The following GRIN2B variants were observed in gnomAD, a reference collection of about 807,000 sequenced individuals.
GRIN2B encodes the protein glutamate receptor ionotropic, NMDA 2B.
A neutral mutation model predicts 114.5 loss-of-function variants in GRIN2B; 5 were observed. The ratio of observed to expected loss-of-function variants is 0.04; its 90% CI spans 0.02 to 0.09. The LOEUF (loss-of-function observed/expected upper bound fraction) is 0.09. GRIN2B is among the 10% of genes least tolerant of loss of function. GRIN2B has a pLI of 1.00. For missense variants in GRIN2B, 1,108 were observed against 1,943.5 expected (o/e 0.57, Z 8.08); for synonymous variants, 787 against 745.1 (o/e 1.06, Z -0.92).
rs1217973811 is a variant in GRIN2B at position 13,541,732 on chromosome 12, A to G, written c.*21051T>C. ...ACAGAGAGGCTGAACCAGCAGCAGC[A>G]GTAGTTGTGATCTCATTCACACCCT... On this transcript the variant is annotated 3_prime_UTR_variant, in exon 14 of 14. Transcript: ENST00000609686. 1.3e-5 allele frequency: 2 copies of G among 152,236 alleles called. No individual in the cohort carries two copies. The highest frequency in any genetic ancestry group is 2.9e-5 in the Non-Finnish European group (2 of 68,048). 9.4% of individuals were successfully genotyped at this position (152,236 alleles called of 1,614,324 possible). A position where few individuals can be genotyped will look rare whatever the true frequency, so the allele number is the denominator to read the frequency against.
At chr12:13,761,668 T>A (rs1377172921) in intron 3 of GRIN2B, among the ~76,000 whole-genome samples, 1 of 152,206 alleles carries the variant, frequency 6.6e-6, no homozygotes, top group Non-Finnish European at 1.5e-5. Context: ...TCAAACCTAC[T>A]CTCAGATGGA....
At chr12:13,592,592 G>A (rs1949022526) in intron 10 of GRIN2B, among the ~76,000 whole-genome samples, 1 of 152,170 alleles carries the variant, frequency 6.6e-6, no homozygotes, top group Non-Finnish European at 1.5e-5. Context: ...GGTGACAAAG[G>A]CCAGAAATGG....
intron 2 of GRIN2B, among the ~76,000 whole-genome samples, chr12:13,907,498 A>G (rs1000433761): frequency 2.6e-5 from 4 of 151,838 alleles, no homozygotes; most frequent in Non-Finnish European, 5.9e-5. Flanking sequence ...TCTCAGGAAA[A>G]AAAAAAAAAA....
chr12:13,690,677 G>A (rs1340490679), intron 4 of GRIN2B, among the ~76,000 whole-genome samples: 1 of 152,090 alleles, frequency 6.6e-6, no homozygotes, highest in Non-Finnish European at 1.5e-5. Flanking sequence ...CCCTTGGAGA[G>A]AGCTGACACA....
chr12:13,670,611 A>G (rs1199196615), intron 5 of GRIN2B, among the ~76,000 whole-genome samples: 6 of 152,316 alleles, frequency 3.9e-5, no homozygotes, highest in African/African-American at 1.4e-4. Flanking sequence ...TTGGAACTGC[A>G]TCTCTGTGCC....
At chr12:13,754,961 T>A (rs959014560) in intron 3 of GRIN2B, among the ~76,000 whole-genome samples, 4 of 152,138 alleles carry the variant, frequency 2.6e-5, no homozygotes, top group Non-Finnish European at 5.9e-5. Context: ...GCTAGATGAG[T>A]CCGAAAACAC....
chr12:13,656,895 G>A (rs945708390), intron 5 of GRIN2B, among the ~76,000 whole-genome samples: 1 of 152,172 alleles, frequency 6.6e-6, no homozygotes, highest in Non-Finnish European at 1.5e-5. Flanking sequence ...CCGAAGCCCA[G>A]GGACATTTTG....
In GRIN2B at chr12:13,828,166, G is replaced by A. The variant is rs530352702; in HGVS notation, c.411+37632C>T. On this transcript the variant is annotated intron_variant, in intron 3 of 13. Coordinates refer to ENST00000609686, the MANE Select transcript of GRIN2B (RefSeq NM_000834.5). The stretch of plus-strand genomic sequence containing the variant: ...CTGTTTAAAATGTGAGACCTTTTTG[G>A]CAGGAAGTAGCATTCAGGTTAGTTT... Among the ~76,000 whole-genome samples the A allele has an allele frequency of 5.9e-5, 9 of 152,210 alleles. No individual in the cohort carries two copies. In the South Asian group the frequency reaches 1.2e-3, roughly 21 times the overall value.
intron 5 of GRIN2B, among the ~76,000 whole-genome samples, chr12:13,669,637 A>G (rs1026012163): frequency 5.3e-5 from 8 of 152,108 alleles, no homozygotes; most frequent in Admixed American, 3.9e-4. Flanking sequence ...GCAGTCACCA[A>G]CACTGCACTT....
intron 3 of GRIN2B, among the ~76,000 whole-genome samples, chr12:13,857,936 C>A (rs1865691971): frequency 6.6e-6 from 1 of 152,132 alleles, no homozygotes; most frequent in Admixed American, 6.6e-5. Flanking sequence ...CCAACCATGA[C>A]AAAATGCCAG....
rs1948464325 is a variant in GRIN2B, at chr12:13,555,179, G to C, written c.*7604C>G. ...GGAAGAGCAGGAACCAATGAGGTTA[G>C]AGGACCAGAGAACTAAGATTAAAAC... On this transcript the variant is annotated 3_prime_UTR_variant, in exon 14 of 14. Coordinates refer to ENST00000609686, the MANE Select transcript of GRIN2B (RefSeq NM_000834.5). 1 of 152,218 alleles carries C rather than the reference G, an allele frequency of 6.6e-6. No individual in the cohort carries two copies. The highest frequency in any genetic ancestry group is 2.4e-5 in the African/African-American group (1 of 41,442). 9.4% of individuals were successfully genotyped at this position (152,218 alleles called of 1,614,324 possible). A position where few individuals can be genotyped will look rare whatever the true frequency, so the allele number is the denominator to read the frequency against.
Position 13,543,014 on chromosome 12 carries a change from T to C in GRIN2B, c.*19769A>G, listed in dbSNP as rs1948299962. On this transcript the variant is annotated 3_prime_UTR_variant, in exon 14 of 14. Transcript: ENST00000609686. The stretch of plus-strand genomic sequence containing the variant: ...AATCCAGCTTTGATGCACATCAGAC[T>C]AGGCTAGCTGCACCCCTTACTTGAT... The C allele has an allele frequency of 6.6e-6, 1 of 152,182 alleles. No individual in the cohort carries two copies. 9.4% of individuals were successfully genotyped at this position (152,182 alleles called of 1,614,324 possible).
intron 3 of GRIN2B, among the ~76,000 whole-genome samples, chr12:13,791,307 C>G (rs1565538566): frequency 6.6e-6 from 1 of 151,906 alleles, no homozygotes; most frequent in East Asian, 1.9e-4. Context: ...AAAAAATTAA[C>G]TGGGTGTGGT....
chr12:13,965,156 T>C (rs1211021858), intron 2 of GRIN2B, among the ~76,000 whole-genome samples: 2 of 152,212 alleles, frequency 1.3e-5, no homozygotes, highest in Non-Finnish European at 2.9e-5. Context: ...TCCTGCAGCC[T>C]GCCAAGCCTG....
chr12:13,706,946 T>C (rs1416510010), intron 4 of GRIN2B, among the ~76,000 whole-genome samples: 1 of 152,102 alleles, frequency 6.6e-6, no homozygotes, highest in African/African-American at 2.4e-5. Context: ...CTATTATCCC[T>C]TGTAAAAATC....
At chr12:13,617,885 C>T (rs931915834) in intron 5 of GRIN2B, among the ~76,000 whole-genome samples, 1 of 152,192 alleles carries the variant, frequency 6.6e-6, no homozygotes, top group African/African-American at 2.4e-5. Context: ...GTTTCTTTGT[C>T]CAGTAGCCTG....
intron 4 of GRIN2B, among the ~76,000 whole-genome samples, chr12:13,702,751 A>T (rs892282459): frequency 1.3e-5 from 2 of 151,944 alleles, no homozygotes; most frequent in African/African-American, 4.8e-5. Context: ...CAAACAGGAG[A>T]CCCCAGGCCA....
intron 3 of GRIN2B, among the ~76,000 whole-genome samples, chr12:13,763,699 G>A (rs1383887914): frequency 6.6e-6 from 1 of 152,140 alleles, no homozygotes; most frequent in East Asian, 1.9e-4. Flanking sequence ...CTTAAATAGG[G>A]ACTCAGAGCT....
intron 4 of GRIN2B, among the ~76,000 whole-genome samples, chr12:13,682,958 A>G (rs942797655): frequency 6.6e-6 from 1 of 152,212 alleles, no homozygotes; most frequent in Non-Finnish European, 1.5e-5. Context: ...AAGAAGGTAG[A>G]GAACATTAAC....
Sources: gnomAD v4.1 joint callset for allele counts (sites outside exome capture counted in the v4.1 genomes callset) on GRCh38, gnomAD v4.1.1 for gene constraint, MANE v1.5 for transcripts, NCBI Gene and HGNC (gene_info 2026-07-23, HGNC 2026-07-21) for gene names.